Variants in GALNT14 observed in about 807,000 individuals in gnomAD.
GALNT14 encodes the protein polypeptide N-acetylgalactosaminyltransferase 14.
In GALNT14, 60 loss-of-function variants were observed where a neutral mutation model predicts 77.5. That is an observed-to-expected ratio of 0.77 (90% confidence interval 0.63 to 0.96). GALNT14 has a LOEUF of 0.96. Ranked by LOEUF, GALNT14 falls within the 40% of genes least tolerant of loss-of-function variation. GALNT14 has a pLI of 0.00. For missense variants in GALNT14, 710 were observed against 731.0 expected (o/e 0.97, Z 0.33); for synonymous variants, 280 against 281.7 (o/e 0.99, Z 0.06).
intron 1 of GALNT14, among the ~76,000 whole-genome samples, chr2:31,119,409 T>C (rs1025997720): frequency 3.3e-5 from 5 of 152,086 alleles, no homozygotes; most frequent in African/African-American, 1.2e-4. Context: ...AGGATATGAA[T>C]AGACCCCTCA....
intron 1 of GALNT14, among the ~76,000 whole-genome samples, chr2:31,024,371 G>A (rs1469860518): frequency 1.3e-5 from 2 of 151,958 alleles, no homozygotes; most frequent in Non-Finnish European, 2.9e-5. Context: ...AAGTCTTCAC[G>A]GTGGCACAAA....
chr2:31,058,345 C>T (rs112471502), intron 1 of GALNT14, among the ~76,000 whole-genome samples: 1,927 of 152,038 alleles, frequency 0.013, 20 homozygotes, highest in Non-Finnish European at 0.02. Context: ...GTGCGTCAAG[C>T]GGAGAGCAGG....
At chr2:30,906,910 C>G (rs1442854699), downstream of GALNT14, among the ~76,000 whole-genome samples, 3 of 152,170 alleles carry the variant, frequency 2.0e-5, no homozygotes, top group Non-Finnish European at 4.4e-5. Flanking sequence ...GAATCTCACT[C>G]AAAACCACGC....
At chr2:30,939,273 G>C (rs1008369144) in intron 9 of GALNT14, among the ~76,000 whole-genome samples, 1 of 152,204 alleles carries the variant, frequency 6.6e-6, no homozygotes, top group African/African-American at 2.4e-5. Context: ...GGGTGGGCCA[G>C]AGGTAGGGCA....
chr2:30,906,018 T>A (rs1337329029), downstream of GALNT14, among the ~76,000 whole-genome samples: 4 of 144,550 alleles, frequency 2.8e-5, no homozygotes, highest in Non-Finnish European at 4.6e-5. Context: ...TGCTGAGAGA[T>A]TTTGTCACCA....
At position 31,016,830 on chromosome 2, in the gene GALNT14, T is replaced by C. The variant is rs186309286; in HGVS notation, c.130-23823A>G. On this transcript the variant is annotated intron_variant, in intron 1 of 14. Transcript: ENST00000349752. Reference sequence around the variant, plus strand: ...CCTCCTGGGAGTGCTCTCATTAAATTTACAAGGCTCTGCTTCTATGGAATC... The same window carrying C: ...CCTCCTGGGAGTGCTCTCATTAAATCTACAAGGCTCTGCTTCTATGGAATC... Among the ~76,000 whole-genome samples the C allele has an allele frequency of 4.6e-5, 7 of 152,252 alleles. No homozygotes were observed. The East Asian group carries it at 1.4e-3, about 30-fold the overall frequency.
intron 1 of GALNT14, among the ~76,000 whole-genome samples, chr2:31,128,966 T>TG (rs1462861373): frequency 8.5e-6 from 1 of 117,846 alleles, no homozygotes; most frequent in African/African-American, 4.7e-5. Flanking sequence ...AAAATAAAAT[T>TG]GAAAAAAAAA....
At chr2:31,125,246 G>T in intron 1 of GALNT14, 2 of 1,550,272 alleles carry the variant, frequency 1.3e-6, no homozygotes, top group Non-Finnish European at 1.7e-6. Flanking sequence ...GAAAAACAAG[G>T]ACCAAACCTG....
chr2:30,906,672 T>C (rs187626325), downstream of GALNT14, among the ~76,000 whole-genome samples: 484 of 151,852 alleles, frequency 3.2e-3, 1 homozygote, highest in African/African-American at 0.011. Context: ...TCAACAAGGA[T>C]ACCCAGGAAT....
chr2:30,919,211 G>A (rs1241459427), intron 13 of GALNT14, among the ~76,000 whole-genome samples: 5 of 128,546 alleles, frequency 3.9e-5, no homozygotes, highest in African/African-American at 1.5e-4. Flanking sequence ...TAACCTTCTC[G>A]GGCTTCACAT....
intron 6 of GALNT14, among the ~76,000 whole-genome samples, chr2:30,954,647 A>C (rs1667247385): frequency 6.6e-6 from 1 of 152,252 alleles, no homozygotes; most frequent in Non-Finnish European, 1.5e-5. Context: ...TCTTCTGAGC[A>C]GACGACATAG....
chr2:30,954,102 C>T (rs1381585494), intron 6 of GALNT14, among the ~76,000 whole-genome samples: 1 of 152,074 alleles, frequency 6.6e-6, no homozygotes, highest in Non-Finnish European at 1.5e-5. Flanking sequence ...GGAGGGGAGC[C>T]GTGGACGAGG....
intron 3 of GALNT14, among the ~76,000 whole-genome samples, chr2:30,959,882 C>T (rs1035446940): frequency 1.9e-4 from 29 of 152,160 alleles, no homozygotes; most frequent in Admixed American, 1.4e-3. Flanking sequence ...CCAGCTATCA[C>T]GGGATTCCCT....
chr2:31,006,147 C>T (rs1452069144), intron 1 of GALNT14, among the ~76,000 whole-genome samples: 1 of 152,174 alleles, frequency 6.6e-6, no homozygotes, highest in Admixed American at 6.5e-5. Context: ...ATGGCCGGTC[C>T]AACAGTCACA....
At chr2:30,996,059 C>A (rs1670010778) in intron 1 of GALNT14, among the ~76,000 whole-genome samples, 1 of 152,162 alleles carries the variant, frequency 6.6e-6, no homozygotes, top group Admixed American at 6.5e-5. Context: ...ACGGGGCCAC[C>A]AACGCTGGGG....
chr2:31,043,775 C>A (rs1174583354), intron 1 of GALNT14, among the ~76,000 whole-genome samples: 1 of 152,204 alleles, frequency 6.6e-6, no homozygotes, highest in Admixed American at 6.5e-5. Flanking sequence ...CCACACCACA[C>A]TGGTCCTTCC....
intron 1 of GALNT14, among the ~76,000 whole-genome samples, chr2:31,023,206 C>G (rs568545561): frequency 2.0e-5 from 3 of 151,818 alleles, no homozygotes; most frequent in Non-Finnish European, 4.4e-5. Flanking sequence ...AAGGCTCAAA[C>G]CAAAATTGAG....
At chr2:30,964,163 C>A (rs1477416355) in intron 3 of GALNT14, among the ~76,000 whole-genome samples, 1 of 152,110 alleles carries the variant, frequency 6.6e-6, no homozygotes, top group African/African-American at 2.4e-5. Flanking sequence ...AAGCGAGGGG[C>A]CTCTCTCAGG....
chr2:30,906,398 G>A (rs1424913713), downstream of GALNT14, among the ~76,000 whole-genome samples: 2 of 148,846 alleles, frequency 1.3e-5, no homozygotes, highest in African/African-American at 5.0e-5. Flanking sequence ...AAAAAGGCAG[G>A]GGTTGCAATC....
Sources: allele counts gnomAD v4.1 joint callset (sites outside exome capture counted in the v4.1 genomes callset), GRCh38; gene constraint gnomAD v4.1.1; transcripts MANE v1.5; gene names NCBI Gene and HGNC (gene_info 2026-07-23, HGNC 2026-07-21).